CUL2: variants seen among roughly 807,000 people sequenced by gnomAD.
CUL2 encodes the protein cullin-2.
Under a neutral mutation model 110.2 loss-of-function variants are expected in CUL2, and 22 were observed. The ratio of observed to expected loss-of-function variants is 0.20; its 90% CI spans 0.14 to 0.28. CUL2 has a LOEUF of 0.28. Among genes scored for constraint, CUL2 ranks in the 10% least tolerant of loss-of-function variants. The pLI is 1.00. For synonymous variants in CUL2, 279 were observed against 293.2 expected (o/e 0.95, Z 0.49); for missense variants, 631 against 905.5 (o/e 0.70, Z 3.89).
At position 35,031,172 on chromosome 10, in the gene CUL2, G is replaced by A. The variant is rs996991091; in HGVS notation, c.1386+128C>T. The A allele has an allele frequency of 2.0e-5, 12 of 598,046 alleles. No homozygotes were observed. Among genetic ancestry groups the A allele is most frequent in the Middle Eastern group, 4.2e-4 (1 of 2,362 alleles). The allele number at this position is 598,046 out of a possible 1,614,324, so 37.0% of individuals were successfully genotyped here. On this transcript the variant is annotated intron_variant, in intron 14 of 20. Coordinates refer to ENST00000374749, the MANE Select transcript of CUL2 (RefSeq NM_003591.4). The surrounding 1 kb of genome is among the most constrained non-coding windows in gnomAD (Gnocchi z 4.4). ...ATACAGTATTTGTATATCCCACTGT[G>A]TGACTACACAAATACACATTTAACC... is the stretch of plus-strand genomic sequence containing the variant.
rs80173842 is a variant in CUL2, at chr10:35,026,004, A to T, written c.1618-806T>A. Among the ~76,000 whole-genome samples the T allele has an allele frequency of 6.4e-3, 970 of 152,370 alleles. 6 individuals are homozygous for T. Among genetic ancestry groups the T allele is most frequent in the Middle Eastern group, 0.014 (4 of 294 alleles). On this transcript the variant is annotated intron_variant, in intron 16 of 20. Coordinates refer to ENST00000374749, the MANE Select transcript of CUL2 (RefSeq NM_003591.4). ...TTTGTACTTTAAAAAGGAAGTTCAC[A>T]TAAAGCAGTCAGCAATGACTGACCT...
chr10:35,102,377 G>A (rs1473664128), intron 1 of CUL2, among the ~76,000 whole-genome samples: 1 of 152,032 alleles, frequency 6.6e-6, no homozygotes, highest in Non-Finnish European at 1.5e-5. Flanking sequence ...TTCAAGACCA[G>A]CCTGGCCAAC....
At chr10:35,066,296 G>T (rs558215273) in intron 2 of CUL2, among the ~76,000 whole-genome samples, 8 of 151,334 alleles carry the variant, frequency 5.3e-5, no homozygotes, top group Non-Finnish European at 8.9e-5. Context: ...CAGTAAAAAA[G>T]AATTTGCTGA....
At chr10:35,053,097 CTG>C (rs952559870) in intron 5 of CUL2, among the ~76,000 whole-genome samples, 223 of 151,192 alleles carry the variant, frequency 1.5e-3, no homozygotes, top group Non-Finnish European at 1.6e-3. Context: ...ATCAAAACTG[CTG>C]TGTGTGTGTG....
chr10:35,074,864 C>T (rs1389278779), intron 1 of CUL2, among the ~76,000 whole-genome samples: 3 of 152,144 alleles, frequency 2.0e-5, no homozygotes, highest in African/African-American at 7.2e-5. Flanking sequence ...CCTGAGAACT[C>T]CACACTTTCC....
chr10:35,104,816 G>A (rs1209671918), intron 1 of CUL2, among the ~76,000 whole-genome samples: 2 of 150,908 alleles, frequency 1.3e-5, no homozygotes, highest in South Asian at 2.1e-4. Context: ...TACAACCTCC[G>A]CCTCCTGGGT....
intron 6 of CUL2, among the ~76,000 whole-genome samples, 198 bp from the exon 7 acceptor site, chr10:35,045,066 T>C (rs1480733497): frequency 3.9e-5 from 6 of 152,202 alleles, no homozygotes; most frequent in Non-Finnish European, 7.3e-5. Flanking sequence ...AGTTAATGTA[T>C]ACATTAGATG....
chr10:35,014,735 A>G (rs1483110804), intron 18 of CUL2, among the ~76,000 whole-genome samples: 1 of 152,134 alleles, frequency 6.6e-6, no homozygotes, highest in Non-Finnish European at 1.5e-5. Flanking sequence ...TGGAAGGCTG[A>G]GGCAGGATTA....
intron 11 of CUL2, 27 bp from the exon 12 acceptor site, chr10:35,032,521 AC>A: frequency 6.4e-7 from 1 of 1,555,398 alleles, no homozygotes; most frequent in Non-Finnish European, 8.7e-7. Flanking sequence ...GCCATAATTA[AC>A]CACCAGCCAT....
intron 17 of CUL2, among the ~76,000 whole-genome samples, chr10:35,018,164 G>T (rs1216225013): frequency 3.3e-5 from 5 of 150,302 alleles, no homozygotes; most frequent in Non-Finnish European, 5.9e-5. Flanking sequence ...GCGGACACCT[G>T]TAATCCCAGC....
intron 17 of CUL2, among the ~76,000 whole-genome samples, chr10:35,020,090 A>C (rs1221037649): frequency 6.6e-6 from 1 of 152,232 alleles, no homozygotes; most frequent in Non-Finnish European, 1.5e-5. Flanking sequence ...CTTGCCAATA[A>C]TACTTAACTG....
rs779329942 is a variant in CUL2 at position 35,125,082 on chromosome 10, T to C, written c.-51+1523A>G. 6.2e-4 allele frequency among the ~76,000 whole-genome samples: 94 copies of C among 152,246 alleles called. 3 individuals carry two copies. The highest frequency in any genetic ancestry group is 1.3e-4 in the Non-Finnish European group (9 of 68,044). ...AATCCTAACAGGTAGGTACTATTTT[T>C]CTTCCCATTTAAAAACCTTATGCTT... On this transcript the variant is annotated intron_variant, in intron 1 of 5. Transcript: ENST00000685421.
In CUL2 at chr10:35,010,424, C is replaced by T. The variant is rs959373159; in HGVS notation, c.2125G>A (p.Ala709Thr). Residue 709 changes from alanine (A) to threonine (T), a missense_variant, in exon 21 of 21, where the codon GCT (alanine) becomes ACT (threonine). Physicochemically the swap from Ala to Thr is moderately conservative, Grantham distance 58. Around this residue, in one of 3 missense-constraint regions of CUL2, gnomAD observed 159 missense variants for 202.7 expected, o/e 0.78. Coordinates refer to ENST00000374749, the MANE Select transcript of CUL2 (RefSeq NM_003591.4). ...LIQEVISQSR[A>T]RFNPSISMIK... ...ATGCTGATACTGGGATTAAACCTAG[C>T]TCTTGACTGGCTAATCACCTGTGGA... is the stretch of plus-strand genomic sequence containing the variant. The T allele has an allele frequency of 1.2e-6, 2 of 1,609,806 alleles. No homozygotes were observed. Among genetic ancestry groups the T allele is most frequent in the Non-Finnish European group, 8.5e-7 (1 of 1,178,142 alleles).
intron 2 of CUL2, among the ~76,000 whole-genome samples, chr10:35,069,788 C>A (rs541262765): frequency 6.6e-6 from 1 of 152,238 alleles, no homozygotes; most frequent in Admixed American, 6.5e-5. Context: ...TCATCTATAA[C>A]CAACTCCTCT....
At chr10:35,073,634 G>A (rs1308800976) in intron 1 of CUL2, among the ~76,000 whole-genome samples, 4 of 142,306 alleles carry the variant, frequency 2.8e-5, no homozygotes, top group Admixed American at 7.5e-5. Flanking sequence ...ATGGAGTCTC[G>A]CTGTTGTCAG....
At chr10:35,091,633 T>C (rs540150616), upstream of CUL2, among the ~76,000 whole-genome samples, 11 of 152,240 alleles carry the variant, frequency 7.2e-5, no homozygotes, top group Admixed American at 1.3e-4. Flanking sequence ...CTTTTTTTTT[T>C]TGGATACAGA....
chr10:35,113,990 C>T (rs1414551984), intron 1 of CUL2, among the ~76,000 whole-genome samples: 1 of 151,744 alleles, frequency 6.6e-6, no homozygotes, highest in Non-Finnish European at 1.5e-5. Context: ...TCACTGCAAG[C>T]TCCATCTCCT....
At chr10:35,018,922 AC>A (rs2085116230) in intron 17 of CUL2, among the ~76,000 whole-genome samples, 1 of 152,164 alleles carries the variant, frequency 6.6e-6, no homozygotes, top group Admixed American at 6.5e-5. Context: ...GGATGGGAAT[AC>A]CAAGAGAAAA....
At chr10:35,118,810 A>T (rs1454407429) in intron 1 of CUL2, 5 of 152,210 alleles carry the variant, frequency 3.3e-5, no homozygotes, top group Non-Finnish European at 7.3e-5. Flanking sequence ...CTTGGGAAAA[A>T]GGTATATCTC....
Sources: allele counts gnomAD v4.1 joint callset (sites outside exome capture counted in the v4.1 genomes callset), GRCh38; gene constraint gnomAD v4.1.1; regional missense constraint gnomAD v4.1.1; non-coding constraint Gnocchi (gnomAD v3.1); transcripts MANE v1.5; gene names NCBI Gene and HGNC (gene_info 2026-07-23, HGNC 2026-07-21).